MINDY4B: variants seen among roughly 807,000 people sequenced by gnomAD.
The protein encoded by MINDY4B is inactive ubiquitin carboxyl-terminal hydrolase MINDY-4B.
Under a neutral mutation model 16.7 loss-of-function variants are expected in MINDY4B, and 25 were observed. That is an observed-to-expected ratio of 1.49 (90% CI 1.09 to 2.09). MINDY4B has a LOEUF of 2.09. Ranked by LOEUF, MINDY4B falls within the 30% of genes most tolerant of loss-of-function variation. The probability of loss-of-function intolerance (pLI) is 0.00; values close to 1 mark genes in which losing one functional copy is unlikely to be tolerated. For missense variants in MINDY4B, 327 were observed against 168.4 expected, an observed-to-expected ratio of 1.94 and a Z score of -5.21; for synonymous variants, 132 against 61.9, an observed-to-expected ratio of 2.13 and a Z score of -5.32.
chr3:150,893,327 C>T lies in MINDY4B; in HGVS notation c.518G>A (p.Gly173Asp). The T allele has an allele frequency of 8.5e-6, 6 of 702,730 alleles. No homozygotes were observed. The highest frequency in any genetic ancestry group is 1.6e-5 in the Non-Finnish European group (6 of 384,810). 43.5% of individuals were successfully genotyped at this position (702,730 alleles called of 1,614,324 possible). A position where few individuals can be genotyped will look rare whatever the true frequency, so the allele number is the denominator to read the frequency against. Residue 173 changes from glycine (G) to aspartate (D), a missense_variant, in exon 5 of 12, where the codon GGC (glycine) becomes GAC (aspartate). Physicochemically the swap from Gly to Asp is moderately conservative, Grantham distance 94. Coordinates refer to ENST00000465419, the MANE Select transcript of MINDY4B (RefSeq NM_001351281.2). ...GTACTTCTCACAGTCCTCTTACTTGCCAAGGTTACAGTCTTTTCCTTTCCT... is the reference window on the plus strand; with the variant it reads ...GTACTTCTCACAGTCCTCTTACTTGTCAAGGTTACAGTCTTTTCCTTTCCT... ...FTRKGKDCNL[G>D]NLCEISKKEQ...
intron 3 of MINDY4B, chr3:150,901,391 C>T (rs1275434135): frequency 1.3e-5 from 2 of 152,230 alleles, no homozygotes; most frequent in African/African-American, 4.8e-5. Flanking sequence ...GCTTGAAGGC[C>T]AGTGAGCTGA....
At chr3:150,891,165 G>C (rs1711794415) in intron 5 of MINDY4B, 62 bp from the exon 6 acceptor site, 1 of 667,046 alleles carries the variant, frequency 1.5e-6, no homozygotes, top group Non-Finnish European at 2.8e-6. Flanking sequence ...CCACAGAGAT[G>C]GGAAGTAATT....
chr3:150,898,132 A>T (rs1712024551), intron 3 of MINDY4B, among the ~76,000 whole-genome samples: 1 of 152,228 alleles, frequency 6.6e-6, no homozygotes, highest in South Asian at 2.1e-4. Context: ...GGGCTTTGGG[A>T]ACCATAAGTG....
chr3:150,883,098 C>T (rs1410237310), intron 9 of MINDY4B, 40 bp from the exon 10 acceptor site: 5 of 598,932 alleles, frequency 8.3e-6, no homozygotes, highest in Non-Finnish European at 1.2e-5. Flanking sequence ...TTTTAGATAG[C>T]AATGAAACAA....
chr3:150,889,996 T>C (rs985778740), intron 7 of MINDY4B, among the ~76,000 whole-genome samples: 1 of 152,174 alleles, frequency 6.6e-6, no homozygotes, highest in African/African-American at 2.4e-5. Context: ...TTTTTCACCA[T>C]TTTGTTTTTT....
chr3:150,885,015 G>A (rs978817192), intron 8 of MINDY4B, among the ~76,000 whole-genome samples: 1 of 152,118 alleles, frequency 6.6e-6, no homozygotes, highest in African/African-American at 2.4e-5. Flanking sequence ...ATATCATAGA[G>A]ACAAAATACA....
At chr3:150,902,009 A>T (rs1333958950) in intron 3 of MINDY4B, among the ~76,000 whole-genome samples, 1 of 152,122 alleles carries the variant, frequency 6.6e-6, no homozygotes, top group Non-Finnish European at 1.5e-5. Flanking sequence ...AGGAAAGGTT[A>T]TATCGAAGCT....
At chr3:150,893,972 T>C (rs1711892662) in intron 4 of MINDY4B, among the ~76,000 whole-genome samples, 2 of 152,182 alleles carry the variant, frequency 1.3e-5, no homozygotes, top group South Asian at 4.1e-4. Context: ...ATTACAGGTG[T>C]GAGCCACTGC....
At position 150,890,978 on chromosome 3, in the gene MINDY4B, G is replaced by A. The variant is rs564883638; in HGVS notation, c.647C>T (p.Ala216Val). 7.7e-4 allele frequency: 544 copies of A among 702,812 alleles called. 6 individuals carry two copies. The highest frequency in any genetic ancestry group is 6.9e-3 in the South Asian group (468 of 67,598). 43.5% of individuals were successfully genotyped at this position (702,812 alleles called of 1,614,324 possible). The part of the protein sequence containing the change: ...ICLVTEDIYV[A>V]STPDYSVDNF... ...GTCCACAGAGTAGTCCGGAGTCGAC[G>A]CAACGTAAATGTCCTCAGTGACAAG... Residue 216 changes from alanine to valine, a missense_variant, in exon 6 of 12, where the codon GCG (alanine) becomes GTG (valine). Transcript: ENST00000465419.
At chr3:150,889,353 G>A (rs931101228) in intron 7 of MINDY4B, among the ~76,000 whole-genome samples, 3 of 152,198 alleles carry the variant, frequency 2.0e-5, no homozygotes, top group Admixed American at 1.3e-4. Flanking sequence ...GCGGATCCAA[G>A]CCCGCAAGGG....
In MINDY4B at chr3:150,903,262, A is replaced by C. The variant is rs946710369; in HGVS notation, c.296T>G (p.Leu99Arg). Residue 99 changes from leucine to arginine, a missense_variant, in exon 3 of 12, where the codon CTA becomes CGA. Leu to Arg is a moderately radical substitution (Grantham distance 102). Coordinates refer to ENST00000465419, the MANE Select transcript of MINDY4B (RefSeq NM_001351281.2). ...SSKLGGFPIS[L>R]AMATKLRQIL... ...AGCTATACTTACCGTGGCCATTGCTAGGGAGATAGGAAAGCCACCCAATTT... is the reference window on the plus strand; with the variant it reads ...AGCTATACTTACCGTGGCCATTGCTCGGGAGATAGGAAAGCCACCCAATTT... The C allele has an allele frequency of 2.5e-5, 10 of 398,454 alleles. No individual in the cohort carries two copies. The highest frequency in any genetic ancestry group is 1.9e-4 in the African/African-American group (9 of 48,638). 24.7% of individuals were successfully genotyped at this position (398,454 alleles called of 1,614,324 possible).
intron 7 of MINDY4B, among the ~76,000 whole-genome samples, chr3:150,889,739 C>T (rs1408970447): frequency 2.0e-5 from 3 of 152,112 alleles, no homozygotes; most frequent in Admixed American, 6.5e-5. Context: ...TCTGATTTTT[C>T]GGAAAATCAG....
intron 10 of MINDY4B, among the ~76,000 whole-genome samples, chr3:150,876,310 CT>C (rs930834110): frequency 1.1e-4 from 17 of 151,608 alleles, no homozygotes; most frequent in Non-Finnish European, 1.6e-4. Flanking sequence ...CCATGTAATT[CT>C]TTTTTTTTAT....
At chr3:150,893,696 TGGGGGGG>T (rs761403270) in intron 4 of MINDY4B, among the ~76,000 whole-genome samples, 1 of 53,594 alleles carries the variant, frequency 1.9e-5, no homozygotes, top group African/African-American at 4.8e-5. Context: ...AGTTTTTTTT[TGGGGGGG>T]GGGGTGGGGT....
chr3:150,891,832 A>G (rs1711817472), intron 5 of MINDY4B, among the ~76,000 whole-genome samples: 1 of 151,838 alleles, frequency 6.6e-6, no homozygotes, highest in African/African-American at 2.4e-5. Context: ...TAGAATGAGA[A>G]TAACAGAGTG....
chr3:150,884,536 T>G (rs1294407691), intron 8 of MINDY4B, among the ~76,000 whole-genome samples: 1 of 152,258 alleles, frequency 6.6e-6, no homozygotes, highest in East Asian at 1.9e-4. Context: ...CGTTTATCTT[T>G]AGCGTGGTAC....
In MINDY4B at chr3:150,883,696, T is replaced by C; in HGVS notation, c.897+4A>G. On this transcript the variant is annotated splice_donor_region_variant and intron_variant, in intron 9 of 11. Transcript: ENST00000465419. ...CAATAGAAAGGCAGAGTCTTCCAGC[T>C]CACCTGCCTGCACAGAAAGCCTCCA... 1 of 702,766 alleles carries C rather than the reference T, an allele frequency of 1.4e-6. No individual in the cohort carries two copies. Among genetic ancestry groups the C allele is most frequent in the Middle Eastern group, 2.3e-4 (1 of 4,364 alleles). The allele number at this position is 702,766 out of a possible 1,614,324, so 43.5% of individuals were successfully genotyped here. A position where few individuals can be genotyped will look rare whatever the true frequency, so the allele number is the denominator to read the frequency against.
chr3:150,880,873 G>A (rs745404555), intron 10 of MINDY4B, among the ~76,000 whole-genome samples: 5 of 152,184 alleles, frequency 3.3e-5, no homozygotes, highest in Admixed American at 6.5e-5. Flanking sequence ...GTGACCACAC[G>A]TGGTTGAAAG....
rs1434122474 is a variant in MINDY4B, at chr3:150,871,127, C to T, written c.1301G>A (p.Arg434Gln). 1.1e-5 allele frequency: 8 copies of T among 702,736 alleles called. No individual in the cohort carries two copies. Among genetic ancestry groups the T allele is most frequent in the Middle Eastern group, 2.3e-4 (1 of 4,386 alleles). 43.5% of individuals were successfully genotyped at this position (702,736 alleles called of 1,614,324 possible). The change falls in exon 12 of 12, where the codon CGG becomes CAG. Residue 434 changes from arginine (R) to glutamine (Q), a missense_variant. By Grantham distance (43) the Arg-to-Gln change is conservative. Coordinates refer to ENST00000465419, the MANE Select transcript of MINDY4B (RefSeq NM_001351281.2). ...GATTGCCATCTCCACTGGTGAAAACCGTCGTCTTGGTCCATGTTTCTCTTC... is the reference window on the plus strand; with the variant it reads ...GATTGCCATCTCCACTGGTGAAAACTGTCGTCTTGGTCCATGTTTCTCTTC... ...QQEEKHGPRR[R>Q]FSPVEMAIRT... is the part of the protein sequence containing the mutation.
Sources: allele counts gnomAD v4.1 joint callset (sites outside exome capture counted in the v4.1 genomes callset), GRCh38; gene constraint gnomAD v4.1.1; transcripts MANE v1.5; gene names NCBI Gene and HGNC (gene_info 2026-07-23, HGNC 2026-07-21).